Variants in FGGY observed in about 807,000 individuals in gnomAD.
FGGY encodes FGGY carbohydrate kinase domain-containing protein.
FGGY carries 72 observed loss-of-function variants against 71.3 expected under a neutral mutation model. That is an observed-to-expected ratio of 1.01 (90% CI 0.84 to 1.23). FGGY has a LOEUF of 1.23. FGGY is among the 50% of genes most tolerant of loss of function. The pLI, the probability that FGGY is intolerant of heterozygous loss-of-function variation, is 0.00. For missense variants in FGGY, 668 were observed against 682.3 expected, an observed-to-expected ratio of 0.98 and a Z score of 0.23; for synonymous variants, 251 against 250.3, an observed-to-expected ratio of 1.00 and a Z score of -0.02.
At chr1:59,462,216 C>T (rs1164340490) in intron 6 of FGGY, among the ~76,000 whole-genome samples, 1 of 152,064 alleles carries the variant, frequency 6.6e-6, no homozygotes, top group Non-Finnish European at 1.5e-5. Flanking sequence ...GAAAGGATTC[C>T]CTATTTAATA....
At chr1:59,670,019 G>A (rs538096246) in intron 13 of FGGY, among the ~76,000 whole-genome samples, 8 of 152,262 alleles carry the variant, frequency 5.3e-5, no homozygotes, top group African/African-American at 1.9e-4. Flanking sequence ...TTTGGATTCC[G>A]ATTGAAACTG....
intron 4 of FGGY, among the ~76,000 whole-genome samples, chr1:59,347,673 T>C (rs2052356280): frequency 6.6e-6 from 1 of 152,138 alleles, no homozygotes; most frequent in Admixed American, 6.6e-5. Flanking sequence ...CTATCTGATC[T>C]TTGACAAACC....
intron 14 of FGGY, among the ~76,000 whole-genome samples, chr1:59,684,449 T>A (rs2097529318): frequency 6.6e-6 from 1 of 152,164 alleles, no homozygotes; most frequent in Non-Finnish European, 1.5e-5. Context: ...GAGCTAGAAC[T>A]CAGGGTACCG....
intron 8 of FGGY, among the ~76,000 whole-genome samples, chr1:59,590,152 A>G (rs2096401120): frequency 6.6e-6 from 1 of 152,236 alleles, no homozygotes. Context: ...AGAGAATACT[A>G]CAAACACCTC....
intron 7 of FGGY, among the ~76,000 whole-genome samples, chr1:59,551,597 A>G (rs947806082): frequency 5.9e-5 from 9 of 152,058 alleles, no homozygotes; most frequent in Non-Finnish European, 1.2e-4. Context: ...TTGCCTGGCT[A>G]TTGGATTTTT....
At chr1:59,759,991 A>G (rs1280541915) in intron 15 of FGGY, among the ~76,000 whole-genome samples, 1 of 152,246 alleles carries the variant, frequency 6.6e-6, no homozygotes, top group African/African-American at 2.4e-5. Flanking sequence ...GACACTATCA[A>G]CAGAGTAAAA....
At chr1:59,549,958 G>C (rs2095583323) in intron 7 of FGGY, among the ~76,000 whole-genome samples, 1 of 152,146 alleles carries the variant, frequency 6.6e-6, no homozygotes, top group African/African-American at 2.4e-5. Flanking sequence ...GTGTTACATG[G>C]AGGGTTGGGA....
At chr1:59,641,029 A>G (rs1309505375) in intron 11 of FGGY, among the ~76,000 whole-genome samples, 1 of 150,784 alleles carries the variant, frequency 6.6e-6, no homozygotes, top group African/African-American at 2.5e-5. Context: ...AGATGCATGG[A>G]AGACGATTGC....
chr1:59,594,938 A>G (rs2096501322), intron 8 of FGGY, among the ~76,000 whole-genome samples: 1 of 152,240 alleles, frequency 6.6e-6, no homozygotes, highest in East Asian at 1.9e-4. Context: ...ACCCCTGGGC[A>G]GTACTCTGAC....
chr1:59,464,641 A>G (rs1418856235), intron 6 of FGGY, among the ~76,000 whole-genome samples: 1 of 152,216 alleles, frequency 6.6e-6, no homozygotes, highest in Non-Finnish European at 1.5e-5. Flanking sequence ...AATAAAGAAG[A>G]AGACAGAGAA....
At chr1:59,750,453 C>T (rs1049567171) in intron 14 of FGGY, among the ~76,000 whole-genome samples, 5 of 152,134 alleles carry the variant, frequency 3.3e-5, no homozygotes, top group African/African-American at 1.2e-4. Context: ...TAATGTACAG[C>T]TTGATGAATT....
chr1:59,528,371 A>T (rs919092085), intron 7 of FGGY, among the ~76,000 whole-genome samples: 2 of 152,176 alleles, frequency 1.3e-5, no homozygotes, highest in Non-Finnish European at 2.9e-5. Context: ...GAGAGGAAGG[A>T]GACTCGCTTA....
At chr1:59,710,501 T>A (rs184702500) in intron 14 of FGGY, among the ~76,000 whole-genome samples, 2 of 152,128 alleles carry the variant, frequency 1.3e-5, no homozygotes, top group African/African-American at 4.8e-5. Context: ...ATCATCAGAG[T>A]GAACAGGCAA....
intron 11 of FGGY, among the ~76,000 whole-genome samples, chr1:59,642,108 C>T (rs1414163088): frequency 6.6e-6 from 1 of 152,084 alleles, no homozygotes; most frequent in Non-Finnish European, 1.5e-5. Flanking sequence ...GGCTTGCATT[C>T]TAAGCATCTG....
At chr1:59,414,890 T>C (rs2064134637) in intron 5 of FGGY, among the ~76,000 whole-genome samples, 1 of 152,242 alleles carries the variant, frequency 6.6e-6, no homozygotes, top group South Asian at 2.1e-4. Context: ...TCCACACCCA[T>C]CAGCATCCTG....
chr1:59,467,377 T>G (rs189852886), intron 6 of FGGY, among the ~76,000 whole-genome samples: 1 of 152,076 alleles, frequency 6.6e-6, no homozygotes, highest in African/African-American at 2.4e-5. Flanking sequence ...AGGGATAGCA[T>G]TAGAATAAAT....
At chr1:59,652,317 A>G (rs2097171212) in intron 11 of FGGY, among the ~76,000 whole-genome samples, 1 of 148,680 alleles carries the variant, frequency 6.7e-6, no homozygotes, top group Non-Finnish European at 1.5e-5. Flanking sequence ...TAGATTGGGG[A>G]AGTTCTCCTG....
At chr1:59,314,409 C>T (rs2045015544) in intron 1 of FGGY, among the ~76,000 whole-genome samples, 1 of 152,212 alleles carries the variant, frequency 6.6e-6, no homozygotes, top group South Asian at 2.1e-4. Context: ...AATTTTCCTT[C>T]TGTGCCTCCC....
rs77148639 is a variant in FGGY, at chr1:59,603,769, C to T, written c.904-4034C>T. Reference sequence around the variant, plus strand: ...AATGAAGATTCCCTAACCTACTTGTCATCAAGGCCAGAAGGTTATGTTCAG... The same window carrying T: ...AATGAAGATTCCCTAACCTACTTGTTATCAAGGCCAGAAGGTTATGTTCAG... On this transcript the variant is annotated intron_variant, in intron 8 of 15. Transcript: ENST00000303721. Among the ~76,000 whole-genome samples the T allele has an allele frequency of 1.7e-3, 254 of 152,308 alleles. 4 individuals carry two copies. The highest frequency in any genetic ancestry group is 0.016 in the East Asian group (82 of 5,184).
Sources: gnomAD v4.1 joint callset for allele counts (sites outside exome capture counted in the v4.1 genomes callset) on GRCh38, gnomAD v4.1.1 for gene constraint, MANE v1.5 for transcripts, NCBI Gene and HGNC (gene_info 2026-07-23, HGNC 2026-07-21) for gene names.